Variants in MALRD1 observed in about 807,000 individuals in gnomAD.
MALRD1 encodes the protein MAM and LDL-receptor class A domain-containing protein 1.
In MALRD1, 247 loss-of-function variants were observed where a neutral mutation model predicts 242.1. That is an observed-to-expected ratio of 1.02 (90% CI 0.92 to 1.13). MALRD1 has a LOEUF of 1.13. Ranked by LOEUF, MALRD1 falls within the 50% of genes most tolerant of loss-of-function variation. The pLI is 0.00. For missense variants in MALRD1, 2,989 were observed against 2,533.1 expected, an observed-to-expected ratio of 1.18 and a Z score of -3.86; for synonymous variants, 995 against 866.6, an observed-to-expected ratio of 1.15 and a Z score of -2.60.
chr10:19,584,126 T>G (rs978078254), intron 33 of MALRD1, among the ~76,000 whole-genome samples: 4 of 150,502 alleles, frequency 2.7e-5, no homozygotes, highest in African/African-American at 9.8e-5. Context: ...TTTTTCTTTA[T>G]TAGTCTTGCT....
At chr10:19,730,650 T>C in intron 38 of MALRD1, 56 bp from the exon 39 acceptor site, 7 of 1,484,384 alleles carry the variant, frequency 4.7e-6, no homozygotes, top group Non-Finnish European at 6.4e-6. Context: ...AACCTGAAAA[T>C]GTACTATGGT....
chr10:19,113,772 A>G (rs899559112), intron 5 of MALRD1, among the ~76,000 whole-genome samples: 4 of 148,096 alleles, frequency 2.7e-5, no homozygotes, highest in Non-Finnish European at 3.0e-5. Context: ...CTATCCCTCC[A>G]CATTGCCACT....
At chr10:19,444,637 T>C (rs2483079) in intron 28 of MALRD1, among the ~76,000 whole-genome samples, 107,110 of 152,072 alleles carry the variant, frequency 0.7, 37,807 homozygotes, top group Non-Finnish European at 0.74. Context: ...ATATTGGCCC[T>C]CACTCTCTTC....
At chr10:19,409,186 A>G (rs1028238790) in intron 28 of MALRD1, among the ~76,000 whole-genome samples, 1 of 152,234 alleles carries the variant, frequency 6.6e-6, no homozygotes, top group Non-Finnish European at 1.5e-5. Flanking sequence ...AACAACCTGG[A>G]TGAATCACTA....
chr10:19,552,067 C>T (rs1454476364), intron 32 of MALRD1, among the ~76,000 whole-genome samples: 1 of 152,028 alleles, frequency 6.6e-6, no homozygotes, highest in Non-Finnish European at 1.5e-5. Flanking sequence ...TTCCTTGTAT[C>T]TCTGCCAGGT....
At chr10:19,666,909 A>G (rs1240151131) in intron 36 of MALRD1, among the ~76,000 whole-genome samples, 1 of 152,206 alleles carries the variant, frequency 6.6e-6, no homozygotes, top group East Asian at 1.9e-4. Flanking sequence ...TGGAAGAGCT[A>G]GAACTTGTGT....
intron 28 of MALRD1, among the ~76,000 whole-genome samples, chr10:19,431,007 A>C (rs989998853): frequency 6.6e-6 from 1 of 152,134 alleles, no homozygotes; most frequent in African/African-American, 2.4e-5. Flanking sequence ...TTTAATTTTA[A>C]TTTTTATTTC....
chr10:19,615,310 G>A (rs537683507), intron 35 of MALRD1, among the ~76,000 whole-genome samples: 20 of 151,872 alleles, frequency 1.3e-4, no homozygotes, highest in African/African-American at 4.6e-4. Context: ...TTGAGGCTAA[G>A]AGTTTAAGAC....
chr10:19,612,971 T>C (rs564543113), intron 35 of MALRD1, among the ~76,000 whole-genome samples: 2 of 152,152 alleles, frequency 1.3e-5, no homozygotes, highest in South Asian at 4.2e-4. Context: ...AACAGGCTAC[T>C]CTCTCATGCC....
At chr10:19,095,460 T>C (rs1248860134) in intron 4 of MALRD1, among the ~76,000 whole-genome samples, 1 of 152,136 alleles carries the variant, frequency 6.6e-6, no homozygotes, top group Non-Finnish European at 1.5e-5. Flanking sequence ...AATATCAGTG[T>C]TGGGAGTGTG....
chr10:19,503,220 G>A (rs1363200605), intron 31 of MALRD1, among the ~76,000 whole-genome samples: 1 of 152,176 alleles, frequency 6.6e-6, no homozygotes, highest in East Asian at 1.9e-4. Context: ...GAAATAATGG[G>A]ATGCTGAATA....
intron 5 of MALRD1, among the ~76,000 whole-genome samples, chr10:19,108,192 T>A (rs8181341): frequency 1.3e-5 from 2 of 151,800 alleles, no homozygotes; most frequent in East Asian, 1.9e-4. Context: ...TTTTCATTCT[T>A]TCTTCTTTTT....
At chr10:19,672,831 A>C (rs1395829059) in intron 36 of MALRD1, among the ~76,000 whole-genome samples, 1 of 152,190 alleles carries the variant, frequency 6.6e-6, no homozygotes, top group African/African-American at 2.4e-5. Context: ...ATTCACCAGT[A>C]AATTGATGGA....
chr10:19,684,456 C>CA (rs534410453), intron 36 of MALRD1, among the ~76,000 whole-genome samples: 185 of 152,212 alleles, frequency 1.2e-3, no homozygotes, highest in African/African-American at 4.0e-3. Flanking sequence ...TGAGTTGCTA[C>CA]AAAAAATACC....
Position 19,443,614 on chromosome 10 carries a change from C to T in MALRD1, c.4846-6693C>T, listed in dbSNP as rs201944240. 1.6e-4 allele frequency among the ~76,000 whole-genome samples: 24 copies of T among 152,226 alleles called. No homozygotes were observed. In the East Asian group the frequency reaches 4.6e-3, roughly 29 times the overall value. ...ATTCAGGAGCAGGTTGTTCAGTTTC[C>T]ATGTAGTTGAGCGGTTTTGAGTGAG... On this transcript the variant is annotated intron_variant, in intron 28 of 39. Coordinates refer to ENST00000454679, the MANE Select transcript of MALRD1 (RefSeq NM_001142308.3).
intron 31 of MALRD1, among the ~76,000 whole-genome samples, chr10:19,505,609 C>T (rs952017742): frequency 6.6e-6 from 1 of 152,184 alleles, no homozygotes; most frequent in Non-Finnish European, 1.5e-5. Context: ...TTTGTTGTGG[C>T]AGTGCTAGCA....
intron 31 of MALRD1, among the ~76,000 whole-genome samples, chr10:19,501,729 A>G (rs988788163): frequency 2.0e-5 from 3 of 152,050 alleles, no homozygotes; most frequent in African/African-American, 7.2e-5. Context: ...GAGGAAATAA[A>G]CTCAGTAGAA....
chr10:19,287,230 C>G (rs905763725), intron 21 of MALRD1, among the ~76,000 whole-genome samples: 1 of 152,014 alleles, frequency 6.6e-6, no homozygotes, highest in Non-Finnish European at 1.5e-5. Flanking sequence ...GATCATTCCT[C>G]TATACTTTTC....
intron 31 of MALRD1, among the ~76,000 whole-genome samples, chr10:19,512,799 A>AT (rs1833462910): frequency 6.6e-6 from 1 of 152,172 alleles, no homozygotes; most frequent in Non-Finnish European, 1.5e-5. Context: ...CATTTTAGCA[A>AT]TTTTAGACTA....
Sources: allele counts gnomAD v4.1 joint callset (sites outside exome capture counted in the v4.1 genomes callset), GRCh38; gene constraint gnomAD v4.1.1; transcripts MANE v1.5; gene names NCBI Gene and HGNC (gene_info 2026-07-23, HGNC 2026-07-21).